Variants in RABEP1 observed in about 807,000 individuals in gnomAD.
RABEP1 encodes rab GTPase-binding effector protein 1.
Under a neutral mutation model 123.4 loss-of-function variants are expected in RABEP1, and 51 were observed. The observed-to-expected ratio is 0.41, with a 90% CI of 0.33 to 0.52. The LOEUF (loss-of-function observed/expected upper bound fraction) is 0.52. RABEP1 is among the 20% of genes least tolerant of loss of function. The pLI is 0.16. For missense variants in RABEP1, 888 were observed against 996.3 expected (o/e 0.89, Z 1.46); for synonymous variants, 347 against 355.2 (o/e 0.98, Z 0.26).
intron 2 of RABEP1, among the ~76,000 whole-genome samples, chr17:5,309,346 G>A (rs1430010366): frequency 6.8e-6 from 1 of 148,034 alleles, no homozygotes; most frequent in Admixed American, 6.6e-5. Context: ...TGTGTGATGA[G>A]TCGTTAAAAC....
chr17:5,283,665 G>A (rs117064093), intron 1 of RABEP1, among the ~76,000 whole-genome samples: 12 of 152,306 alleles, frequency 7.9e-5, no homozygotes, highest in Non-Finnish European at 1.3e-4. Context: ...TTTCCTTGGG[G>A]TTGTCTCAAA....
At position 5,385,871 on chromosome 17, in the gene RABEP1, G is replaced by T. The variant is rs1911914619; in HGVS notation, c.*2648G>T. On this transcript the variant is annotated 3_prime_UTR_variant, in exon 18 of 18. Coordinates refer to ENST00000537505, the MANE Select transcript of RABEP1 (RefSeq NM_004703.6). The stretch of plus-strand genomic sequence containing the variant: ...TATCCCTCTTCAGAGTCATGTTTCT[G>T]GTGCTGCTACTTTAAAACACAGCTC... 3.5e-6 allele frequency: 1 copy of T among 285,092 alleles called. No homozygotes were observed. Among genetic ancestry groups the T allele is most frequent in the Non-Finnish European group, 6.5e-6 (1 of 154,312 alleles). The allele number at this position is 285,092 out of a possible 1,614,324, so 17.7% of individuals were successfully genotyped here. A position where few individuals can be genotyped will look rare whatever the true frequency, so the allele number is the denominator to read the frequency against.
chr17:5,374,471 C>T (rs1910815189), intron 13 of RABEP1, among the ~76,000 whole-genome samples: 1 of 151,842 alleles, frequency 6.6e-6, no homozygotes, highest in Non-Finnish European at 1.5e-5. Context: ...CAGTTTCATT[C>T]TGTCCCCTAG....
At chr17:5,339,784 C>CA (rs1455484394) in intron 5 of RABEP1, among the ~76,000 whole-genome samples, 2 of 151,790 alleles carry the variant, frequency 1.3e-5, no homozygotes, top group Non-Finnish European at 2.9e-5. Flanking sequence ...GCCTGGGCGA[C>CA]AGAGTGAGAC....
intron 1 of RABEP1, among the ~76,000 whole-genome samples, chr17:5,302,944 A>T (rs1260036994): frequency 6.6e-6 from 1 of 152,214 alleles, no homozygotes; most frequent in Non-Finnish European, 1.5e-5. Flanking sequence ...TAAATTATGA[A>T]TACTTTTTTA....
rs181855850 is a variant in RABEP1 at position 5,331,069 on chromosome 17, G to A, written c.164-880G>A. ...TTTTTTTTTTTTAAAGAAACACAGC[G>A]GCTGACTGGGAAAAGTTTTGTAAGA... is the stretch of plus-strand genomic sequence containing the variant. On this transcript the variant is annotated intron_variant, in intron 2 of 17. Coordinates refer to ENST00000537505, the MANE Select transcript of RABEP1 (RefSeq NM_004703.6). Among the ~76,000 whole-genome samples the A allele has an allele frequency of 2.8e-5, 4 of 140,794 alleles. No homozygotes were observed. In the East Asian group the frequency reaches 6.2e-4, roughly 22 times the overall value. 92.4% of individuals were successfully genotyped at this position (140,794 alleles called of 152,430 possible).
intron 1 of RABEP1, among the ~76,000 whole-genome samples, chr17:5,304,020 G>A (rs1362788040): frequency 7.0e-6 from 1 of 143,252 alleles, no homozygotes; most frequent in African/African-American, 2.6e-5. Context: ...GGCGACAAGA[G>A]CGAAATTCCA....
intron 2 of RABEP1, among the ~76,000 whole-genome samples, chr17:5,329,023 T>C (rs1312182498): frequency 6.7e-6 from 1 of 148,788 alleles, no homozygotes; most frequent in Non-Finnish European, 1.5e-5. Flanking sequence ...GAAAGACTTT[T>C]TTTTTTTTTT....
chr17:5,360,691 A>G (rs756231918), intron 8 of RABEP1, among the ~76,000 whole-genome samples: 2 of 152,006 alleles, frequency 1.3e-5, no homozygotes, highest in Non-Finnish European at 2.9e-5. Flanking sequence ...CACTCATCCT[A>G]CGTGTTCTGA....
chr17:5,288,252 C>T (rs2074998400), intron 1 of RABEP1, among the ~76,000 whole-genome samples: 1 of 151,988 alleles, frequency 6.6e-6, no homozygotes, highest in African/African-American at 2.4e-5. Flanking sequence ...GGATGCAGAA[C>T]GAGTAACATA....
intron 1 of RABEP1, among the ~76,000 whole-genome samples, chr17:5,299,720 TTTTTCTTTTTC>T (rs1455065451): frequency 1.1e-5 from 1 of 92,752 alleles, no homozygotes; most frequent in African/African-American, 3.6e-5. Flanking sequence ...TTTTCTTTTC[TTTTTCTTTTTC>T]TTTTTTTTTT....
chr17:5,318,371 T>G (rs2075318866), intron 2 of RABEP1, among the ~76,000 whole-genome samples: 1 of 152,150 alleles, frequency 6.6e-6, no homozygotes, highest in Non-Finnish European at 1.5e-5. Context: ...AAAAGTAGTA[T>G]GTGAATTATA....
Position 5,332,005 on chromosome 17 carries a change from C to G in RABEP1, c.220C>G (p.Leu74Val). Residue 74 changes from leucine to valine, a missense_variant, in exon 3 of 18, where the codon CTT becomes GTT. By Grantham distance (32) the Leu-to-Val change is conservative. Coordinates refer to ENST00000537505, the MANE Select transcript of RABEP1 (RefSeq NM_004703.6). ...AGCTGCACAAGATGATTTGGGACAC[C>G]TTCGAACCCAGCTGTGGGAAGCTCA... The part of the protein sequence containing the change: ...LQAAQDDLGH[L>V]RTQLWEAQAE... 6.2e-7 allele frequency: 1 copy of G among 1,613,926 alleles called. No homozygotes were observed. The highest frequency in any genetic ancestry group is 8.5e-7 in the Non-Finnish European group (1 of 1,179,980).
In RABEP1 at chr17:5,320,439, A is replaced by AAAAAG. The variant is rs1555520170; in HGVS notation, c.164-11506_164-11505insGAAAA. ...AACACACCAAAAAAAAAAAAAAAAAAAAAAAGAAAAAGAAACACACTGGTA... is the reference window on the plus strand; with the variant it reads ...AACACACCAAAAAAAAAAAAAAAAAAAAAAGAAAAAGAAAAAGAAACACACTGGTA... On this transcript the variant is annotated intron_variant, in intron 2 of 17. Coordinates refer to ENST00000537505, the MANE Select transcript of RABEP1 (RefSeq NM_004703.6). 5.0e-3 allele frequency among the ~76,000 whole-genome samples: 649 copies of AAAAAG among 128,748 alleles called. 2 individuals are homozygous for AAAAAG. Among genetic ancestry groups the AAAAAG allele is most frequent in the East Asian group, 0.016 (65 of 4,098 alleles). 84.5% of individuals were successfully genotyped at this position (128,748 alleles called of 152,430 possible).
At chr17:5,337,413 CGGTG>C (rs536047636) in intron 4 of RABEP1, among the ~76,000 whole-genome samples, 662 of 152,166 alleles carry the variant, frequency 4.4e-3, no homozygotes, top group Non-Finnish European at 8.1e-3. Context: ...GGGCTGGGCG[CGGTG>C]GCTCACGCCT....
intron 2 of RABEP1, among the ~76,000 whole-genome samples, chr17:5,320,439 A>G (rs113982188): frequency 3.6e-4 from 47 of 129,008 alleles, no homozygotes; most frequent in African/African-American, 3.8e-4. Flanking sequence ...AAAAAAAAAA[A>G]AAAAAGAAAA....
At chr17:5,340,039 T>A (rs934086452) in intron 5 of RABEP1, among the ~76,000 whole-genome samples, 1 of 152,130 alleles carries the variant, frequency 6.6e-6, no homozygotes, top group Non-Finnish European at 1.5e-5. Flanking sequence ...ATAATGACAA[T>A]TACAAGGAGA....
At chr17:5,282,625 C>T (rs2074936838) in intron 1 of RABEP1, 105 bp downstream of exon 1, 2 of 764,386 alleles carry the variant, frequency 2.6e-6, no homozygotes, top group Non-Finnish European at 3.2e-6. Context: ...CGCGCAGGCC[C>T]CGGGGGTGAC....
At chr17:5,334,989 G>C (rs1329320296) in intron 3 of RABEP1, among the ~76,000 whole-genome samples, 195 bp from the exon 4 acceptor site, 1 of 152,162 alleles carries the variant, frequency 6.6e-6, no homozygotes, top group Non-Finnish European at 1.5e-5. Flanking sequence ...TTATTGTGAA[G>C]ATTAGAAGTG....
Sources: allele counts gnomAD v4.1 joint callset (sites outside exome capture counted in the v4.1 genomes callset), GRCh38; gene constraint gnomAD v4.1.1; transcripts MANE v1.5; gene names NCBI Gene and HGNC (gene_info 2026-07-23, HGNC 2026-07-21).